MPP4: variants seen among roughly 807,000 people sequenced by gnomAD.
MPP4 encodes the protein MAGUK p55 scaffold protein 4, also known as MAGUK p55 subfamily member 4.
Under a neutral mutation model 98.3 loss-of-function variants are expected in MPP4, and 91 were observed. The ratio of observed to expected loss-of-function variants is 0.93; its 90% CI spans 0.78 to 1.10. The LOEUF is 1.10. MPP4 is among the 50% of genes least tolerant of loss of function. The probability of loss-of-function intolerance (pLI) is 0.00; values close to 1 mark genes in which losing one functional copy is unlikely to be tolerated. For missense variants in MPP4, 744 were observed against 792.9 expected, an observed-to-expected ratio of 0.94 and a Z score of 0.74; for synonymous variants, 261 against 271.8, an observed-to-expected ratio of 0.96 and a Z score of 0.39.
intron 16 of MPP4, among the ~76,000 whole-genome samples, chr2:201,657,305 T>C (rs965406936): frequency 1.3e-5 from 2 of 152,212 alleles, no homozygotes; most frequent in Admixed American, 1.3e-4. Flanking sequence ...ACATGGGTCA[T>C]GATTTCTAAG....
intron 10 of MPP4, among the ~76,000 whole-genome samples, chr2:201,677,642 A>G (rs948248133): frequency 2.0e-5 from 3 of 152,226 alleles, no homozygotes; most frequent in Admixed American, 2.0e-4. Context: ...GCTGCTCTTC[A>G]TACCACTTAC....
intron 14 of MPP4, among the ~76,000 whole-genome samples, chr2:201,661,110 G>T (rs890436068): frequency 6.6e-6 from 1 of 151,930 alleles, no homozygotes; most frequent in Non-Finnish European, 1.5e-5. Context: ...TAGTAGAGAC[G>T]GGGTTTCATC....
At chr2:201,649,389 T>C (rs1483937666) in intron 20 of MPP4, among the ~76,000 whole-genome samples, 187 bp downstream of exon 20, 1 of 152,242 alleles carries the variant, frequency 6.6e-6, no homozygotes, top group Non-Finnish European at 1.5e-5. Flanking sequence ...GAAGCAAGAC[T>C]TCTTTCCCAA....
Position 201,666,374 on chromosome 2 carries a change from T to C in MPP4, c.1013-2A>G. On this transcript the variant is annotated splice_acceptor_variant, in intron 12 of 21. Coordinates refer to ENST00000409474, the MANE Select transcript of MPP4 (RefSeq NM_033066.3). LOFTEE classifies it high-confidence loss of function. ...TCTCATCAATCTTCATGTCATCTTC[T>C]ATAAAAGAGTATAGAAAGGGAGAAA... is the stretch of plus-strand genomic sequence containing the variant. 2 of 1,543,594 alleles carry C rather than the reference T, an allele frequency of 1.3e-6. No individual in the cohort carries two copies. Among genetic ancestry groups the C allele is most frequent in the Non-Finnish European group, 1.7e-6 (2 of 1,143,730 alleles).
At chr2:201,677,967 C>T (rs1688558381) in intron 10 of MPP4, among the ~76,000 whole-genome samples, 1 of 152,194 alleles carries the variant, frequency 6.6e-6, no homozygotes, top group South Asian at 2.1e-4. Context: ...CTCCAATGTG[C>T]CTCCTGGTTT....
At position 201,693,843 on chromosome 2, in the gene MPP4, C is replaced by T. The variant is rs754024472; in HGVS notation, c.79+33G>A. ...CACATGTCAGAGGTGATATTACTTTCTGGTCTAGAAAAGGAGTCCTGGTGA... is the reference window on the plus strand; with the variant it reads ...CACATGTCAGAGGTGATATTACTTTTTGGTCTAGAAAAGGAGTCCTGGTGA... On this transcript the variant is annotated intron_variant, in intron 2 of 21. Transcript: ENST00000409474. 17 of 1,612,074 alleles carry T rather than the reference C, an allele frequency of 1.1e-5. No homozygotes were observed. The East Asian group carries it at 3.8e-4, about 36-fold the overall frequency.
chr2:201,658,474 T>C lies in MPP4; in HGVS notation c.1129+3A>G. The C allele has an allele frequency of 6.2e-7, 1 of 1,611,984 alleles. No individual in the cohort carries two copies. Among genetic ancestry groups the C allele is most frequent in the Non-Finnish European group, 8.5e-7 (1 of 1,178,868 alleles). ...ACCCACCTCTTGTTAATTTATCACC[T>C]ACCTATAAAGAACTTCTGACCGTAG... On this transcript the variant is annotated splice_donor_region_variant and intron_variant, in intron 16 of 21. Coordinates refer to ENST00000409474, the MANE Select transcript of MPP4 (RefSeq NM_033066.3).
intron 1 of MPP4, among the ~76,000 whole-genome samples, chr2:201,696,362 C>A (rs1689181261): frequency 6.6e-6 from 1 of 152,164 alleles, no homozygotes; most frequent in South Asian, 2.1e-4. Context: ...GAGGGGAGCA[C>A]TTCCAGGGTA....
chr2:201,648,690 A>G (rs572281696), intron 20 of MPP4, among the ~76,000 whole-genome samples: 1 of 152,128 alleles, frequency 6.6e-6, no homozygotes, highest in African/African-American at 2.4e-5. Context: ...TCCTCTTGCT[A>G]TTATCTCACA....
intron 18 of MPP4, chr2:201,650,857 T>G: frequency 1.0e-6 from 1 of 985,420 alleles, no homozygotes; most frequent in Non-Finnish European, 1.2e-6. Flanking sequence ...AGTCTGATTC[T>G]TTGATATGGC....
intron 9 of MPP4, 103 bp downstream of exon 9, chr2:201,681,393 A>G (rs1239645386): frequency 2.0e-6 from 2 of 1,004,296 alleles, no homozygotes; most frequent in Non-Finnish European, 3.1e-6. Context: ...TCTTGAATCC[A>G]GGTCCAACAC....
In MPP4 at chr2:201,659,180, C is replaced by T. The variant is rs149823678; in HGVS notation, c.1088-662G>A. ...CAAACTGCTGGGATTACAGGGATTA[C>T]GCCCGGCCTTGTTCTTGACCATACT... is the stretch of plus-strand genomic sequence containing the variant. On this transcript the variant is annotated intron_variant, in intron 15 of 21. Coordinates refer to ENST00000409474, the MANE Select transcript of MPP4 (RefSeq NM_033066.3). Among the ~76,000 whole-genome samples, 536 of 150,928 alleles carry T rather than the reference C, an allele frequency of 3.6e-3. 3 individuals are homozygous for T. The highest frequency in any genetic ancestry group is 0.012 in the African/African-American group (500 of 41,056).
chr2:201,690,234 C>A lies in MPP4; in HGVS notation c.247G>T (p.Ala83Ser). Residue 83 changes from alanine to serine, a missense_variant, in exon 4 of 22, where the codon GCC becomes TCC. Coordinates refer to ENST00000409474, the MANE Select transcript of MPP4 (RefSeq NM_033066.3). Reference sequence around the variant, plus strand: ...GATAACACCTGTGCATGTGGTGTGGCAGGAACTAGTTTCTTTTCTTTAAAT... The same window carrying A: ...GATAACACCTGTGCATGTGGTGTGGAAGGAACTAGTTTCTTTTCTTTAAAT... The part of the protein sequence containing the change: ...QEFKEKKLVP[A>S]TPHAQVLSYE... 2 of 1,610,028 alleles carry A rather than the reference C, an allele frequency of 1.2e-6. No individual in the cohort carries two copies. Among genetic ancestry groups the A allele is most frequent in the Non-Finnish European group, 1.7e-6 (2 of 1,178,198 alleles).
chr2:201,669,842 A>C (rs1407623606), intron 11 of MPP4, 92 bp from the exon 12 acceptor site: 1 of 1,006,144 alleles, frequency 9.9e-7, no homozygotes, highest in East Asian at 3.3e-5. Context: ...TAAGAAATGT[A>C]ATGTGCAAAA....
At chr2:201,664,357 A>G (rs1258418661) in intron 13 of MPP4, 1 of 1,385,042 alleles carries the variant, frequency 7.2e-7, no homozygotes, top group East Asian at 3.8e-5. Flanking sequence ...ATAAAATAAT[A>G]GAAGGTGAAT....
At chr2:201,668,844 A>T (rs1481339092) in intron 12 of MPP4, among the ~76,000 whole-genome samples, 1 of 152,022 alleles carries the variant, frequency 6.6e-6, no homozygotes. Flanking sequence ...CCCTGAGTAG[A>T]CAAACCAGAA....
Position 201,666,918 on chromosome 2 carries a change from G to A in MPP4, c.1013-546C>T, listed in dbSNP as rs907511768. Among the ~76,000 whole-genome samples, 21 of 152,108 alleles carry A rather than the reference G, an allele frequency of 1.4e-4. No individual in the cohort carries two copies. The South Asian group carries it at 4.4e-3, about 32-fold the overall frequency. On this transcript the variant is annotated intron_variant, in intron 12 of 21. Coordinates refer to ENST00000409474, the MANE Select transcript of MPP4 (RefSeq NM_033066.3). ...TATATTAAATGAAAATGTATGATGT[G>A]GGAGGCTATATAACATAAAATGGTT... is the stretch of plus-strand genomic sequence containing the variant.
In MPP4 at chr2:201,682,929, T is replaced by C; in HGVS notation, c.575-13A>G. 1 of 1,608,398 alleles carries C rather than the reference T, an allele frequency of 6.2e-7. No individual in the cohort carries two copies. The highest frequency in any genetic ancestry group is 1.3e-5 in the African/African-American group (1 of 74,766). ...GCATATAGCAACCCTAGGCAGACAGTAACAAAAAACAAAGAAAGATACAAA... is the reference window on the plus strand; with the variant it reads ...GCATATAGCAACCCTAGGCAGACAGCAACAAAAAACAAAGAAAGATACAAA... On this transcript the variant is annotated splice_polypyrimidine_tract_variant and intron_variant, in intron 7 of 21. Coordinates refer to ENST00000409474, the MANE Select transcript of MPP4 (RefSeq NM_033066.3).
chr2:201,695,239 C>T (rs1437742965), intron 1 of MPP4, among the ~76,000 whole-genome samples: 2 of 152,078 alleles, frequency 1.3e-5, no homozygotes, highest in Non-Finnish European at 1.5e-5. Context: ...CCAGTCATCA[C>T]GCCTACATTT....
Sources: allele counts gnomAD v4.1 joint callset (sites outside exome capture counted in the v4.1 genomes callset), GRCh38; gene constraint gnomAD v4.1.1; transcripts MANE v1.5; gene names NCBI Gene and HGNC (gene_info 2026-07-23, HGNC 2026-07-21).